The following EHBP1 variants were observed in gnomAD, a reference collection of about 807,000 sequenced individuals.
EHBP1 encodes EH domain-binding protein 1.
Under a neutral mutation model 144.0 loss-of-function variants are expected in EHBP1, and 55 were observed. That is an observed-to-expected ratio of 0.38 (90% CI 0.31 to 0.48). EHBP1 has a LOEUF of 0.48. Ranked by LOEUF, EHBP1 falls within the 20% of genes least tolerant of loss-of-function variation. The pLI, the probability that EHBP1 is intolerant of heterozygous loss-of-function variation, is 0.98. For missense variants in EHBP1, 1,200 were observed against 1,364.2 expected, an observed-to-expected ratio of 0.88 and a Z score of 1.90; for synonymous variants, 469 against 472.7, an observed-to-expected ratio of 0.99 and a Z score of 0.10.
chr2:62,697,155 T>C (rs574874019), intron 1 of EHBP1, among the ~76,000 whole-genome samples: 1 of 152,360 alleles, frequency 6.6e-6, no homozygotes, highest in East Asian at 1.9e-4. Flanking sequence ...CAATGTAATT[T>C]CAATTTTGGC....
intron 5 of EHBP1, among the ~76,000 whole-genome samples, chr2:62,786,648 A>AC (rs1182941864): frequency 1.3e-5 from 2 of 152,208 alleles, no homozygotes; most frequent in African/African-American, 4.8e-5. Flanking sequence ...CTTGAATCTT[A>AC]AAGATTAAGT....
At chr2:62,892,206 C>A (rs1271870475) in intron 10 of EHBP1, among the ~76,000 whole-genome samples, 1 of 152,116 alleles carries the variant, frequency 6.6e-6, no homozygotes, top group East Asian at 1.9e-4. Flanking sequence ...TATTTTTCCA[C>A]CACCACCACG....
At chr2:62,946,697 C>T (rs2057090538) in intron 12 of EHBP1, among the ~76,000 whole-genome samples, 1 of 152,158 alleles carries the variant, frequency 6.6e-6, no homozygotes, top group African/African-American at 2.4e-5. Context: ...TCACCTCACA[C>T]AAACAGGTGA....
intron 5 of EHBP1, among the ~76,000 whole-genome samples, chr2:62,815,520 G>A (rs1332331069): frequency 6.6e-6 from 1 of 152,146 alleles, no homozygotes; most frequent in Non-Finnish European, 1.5e-5. Flanking sequence ...AAAGGAGAAA[G>A]TTTTTCAAGA....
intron 5 of EHBP1, among the ~76,000 whole-genome samples, chr2:62,798,733 G>A (rs1558688555): frequency 1.3e-5 from 2 of 152,012 alleles, no homozygotes; most frequent in African/African-American, 4.8e-5. Flanking sequence ...GGCCGGGAGC[G>A]GTGGCTCAAG....
At position 62,975,388 on chromosome 2, in the gene EHBP1, A is replaced by G. The variant is rs774942858; in HGVS notation, c.2461-3800A>G. Among the ~76,000 whole-genome samples, 3 of 152,208 alleles carry G rather than the reference A, an allele frequency of 2.0e-5. No homozygotes were observed. The East Asian group carries it at 5.8e-4, about 29-fold the overall frequency. On this transcript the variant is annotated intron_variant, in intron 14 of 22. Coordinates refer to ENST00000431489, the MANE Select transcript of EHBP1 (RefSeq NM_001142616.3). ...TCTTCCTCTTATTGAGGGAATGGCA[A>G]GGTCACATTGCAGAAGAGCATGTGG...
intron 19 of EHBP1, among the ~76,000 whole-genome samples, chr2:63,036,406 C>A (rs1158489554): frequency 6.6e-6 from 1 of 151,844 alleles, no homozygotes; most frequent in African/African-American, 2.4e-5. Flanking sequence ...ATCATACTTA[C>A]CTGTGGAGAA....
chr2:62,708,935 GAGTC>G (rs150368423), intron 2 of EHBP1, among the ~76,000 whole-genome samples: 13,865 of 152,182 alleles, frequency 0.091, 815 homozygotes, highest in Non-Finnish European at 0.13. Flanking sequence ...TGAGGTTTGA[GAGTC>G]AGGCAGGACT....
chr2:62,735,555 G>A (rs1178055886), intron 2 of EHBP1, among the ~76,000 whole-genome samples: 1 of 152,020 alleles, frequency 6.6e-6, no homozygotes, highest in Non-Finnish European at 1.5e-5. Flanking sequence ...ACTGTTATCT[G>A]TTAGATCAAT....
intron 14 of EHBP1, among the ~76,000 whole-genome samples, chr2:62,978,831 A>G (rs191487259): frequency 6.6e-6 from 1 of 152,320 alleles, no homozygotes; most frequent in Admixed American, 6.5e-5. Flanking sequence ...AGCAAGTTAA[A>G]TTATATTCTT....
At chr2:62,729,589 A>AAT (rs1167475382) in intron 2 of EHBP1, among the ~76,000 whole-genome samples, 1 of 129,692 alleles carries the variant, frequency 7.7e-6, no homozygotes, top group Non-Finnish European at 1.6e-5. Context: ...ATATAATAAT[A>AAT]ATATATATAA....
intron 10 of EHBP1, among the ~76,000 whole-genome samples, chr2:62,901,732 G>A (rs981847985): frequency 4.0e-5 from 6 of 151,758 alleles, no homozygotes; most frequent in Non-Finnish European, 8.8e-5. Flanking sequence ...TCCAAAGGCC[G>A]AGGTAGACGG....
At chr2:62,719,615 C>A (rs2036016203) in intron 2 of EHBP1, among the ~76,000 whole-genome samples, 1 of 152,144 alleles carries the variant, frequency 6.6e-6, no homozygotes, top group Non-Finnish European at 1.5e-5. Context: ...ATGGATTCAA[C>A]CAACTGTGGA....
chr2:62,852,252 T>G lies in EHBP1; in HGVS notation c.635-6917T>G, dbSNP rs371681025. ...AAATACTTGAGCACTGTGTAAACAT[T>G]TTTTGACCTATTAATTGCACATATA... is the stretch of plus-strand genomic sequence containing the variant. On this transcript the variant is annotated intron_variant, in intron 7 of 22. Coordinates refer to ENST00000431489, the MANE Select transcript of EHBP1 (RefSeq NM_001142616.3). 2.6e-4 allele frequency among the ~76,000 whole-genome samples: 40 copies of G among 152,180 alleles called. No homozygotes were observed. In the East Asian group the frequency reaches 6.9e-3, roughly 26 times the overall value.
At chr2:62,739,811 C>T (rs2038516733) in intron 2 of EHBP1, among the ~76,000 whole-genome samples, 1 of 151,734 alleles carries the variant, frequency 6.6e-6, no homozygotes, top group Non-Finnish European at 1.5e-5. Flanking sequence ...TGGCATGTGC[C>T]TGTAGTCCTA....
chr2:62,904,239 T>G (rs1411632214), intron 10 of EHBP1, among the ~76,000 whole-genome samples: 5 of 152,208 alleles, frequency 3.3e-5, no homozygotes, highest in Admixed American at 3.3e-4. Context: ...AAAGAAATAG[T>G]TGAGGGACAT....
At chr2:62,698,196 G>T (rs1194086091) in intron 1 of EHBP1, among the ~76,000 whole-genome samples, 1 of 152,190 alleles carries the variant, frequency 6.6e-6, no homozygotes, top group African/African-American at 2.4e-5. Context: ...TGCTTTAATT[G>T]TTCAAGAAAA....
intron 7 of EHBP1, among the ~76,000 whole-genome samples, chr2:62,844,614 A>C (rs2048163672): frequency 6.6e-6 from 1 of 152,168 alleles, no homozygotes; most frequent in Non-Finnish European, 1.5e-5. Flanking sequence ...TTTGGAATTC[A>C]TGTTGAATTT....
At chr2:62,987,658 G>A (rs532834758) in intron 15 of EHBP1, among the ~76,000 whole-genome samples, 1 of 152,218 alleles carries the variant, frequency 6.6e-6, no homozygotes, top group Non-Finnish European at 1.5e-5. Context: ...GGGACTCAAT[G>A]AGCTCAGTGA....
Sources: allele counts gnomAD v4.1 joint callset (sites outside exome capture counted in the v4.1 genomes callset), GRCh38; gene constraint gnomAD v4.1.1; transcripts MANE v1.5; gene names NCBI Gene and HGNC (gene_info 2026-07-23, HGNC 2026-07-21).